The following KIAA1958 variants were observed in gnomAD, a reference collection of about 807,000 sequenced individuals.
The protein encoded by KIAA1958 is KIAA1958, also known as uncharacterized protein KIAA1958.
KIAA1958 carries 14 observed loss-of-function variants against 47.2 expected under a neutral mutation model. That is an observed-to-expected ratio of 0.30 (90% confidence interval 0.20 to 0.46). The LOEUF is 0.46. Among genes scored for constraint, KIAA1958 ranks in the 20% least tolerant of loss-of-function variants. The pLI, the probability that KIAA1958 is intolerant of heterozygous loss-of-function variation, is 1.00. For synonymous variants in KIAA1958, 354 were observed against 353.3 expected, an observed-to-expected ratio of 1.00 and a Z score of -0.02; for missense variants, 803 against 909.2, an observed-to-expected ratio of 0.88 and a Z score of 1.50.
intron 1 of KIAA1958, among the ~76,000 whole-genome samples, chr9:112,521,156 T>C (rs1247259218): frequency 6.6e-6 from 1 of 152,190 alleles, no homozygotes; most frequent in Admixed American, 6.5e-5. Flanking sequence ...CCTGTTTTCC[T>C]TAGGTTTTAA....
At chr9:112,526,145 C>A (rs1380274481) in intron 1 of KIAA1958, among the ~76,000 whole-genome samples, 1 of 11,892 alleles carries the variant, frequency 8.4e-5, no homozygotes, top group Non-Finnish European at 1.7e-4. Context: ...GTTCTTTATT[C>A]TGATATATTT....
Position 112,648,995 on chromosome 9 carries a change from A to T in KIAA1958, c.1344+3173A>T, listed in dbSNP as rs148582462. Among the ~76,000 whole-genome samples the T allele has an allele frequency of 8.5e-5, 13 of 152,304 alleles. No individual in the cohort carries two copies. In the East Asian group the frequency reaches 2.3e-3, roughly 27 times the overall value. ...TTGATAAGTTCAAAAATTTAAGTAG[A>T]GACATGGAAAATATAAAAAGGACCA... On this transcript the variant is annotated intron_variant, in intron 3 of 3. Transcript: ENST00000337530.
chr9:112,556,315 C>T (rs1214013312), intron 1 of KIAA1958, among the ~76,000 whole-genome samples: 1 of 152,176 alleles, frequency 6.6e-6, no homozygotes, highest in South Asian at 2.1e-4. Context: ...AGTCTGCTGC[C>T]TGCACACAGG....
chr9:112,648,926 A>G (rs981011871), intron 3 of KIAA1958, among the ~76,000 whole-genome samples: 3 of 152,242 alleles, frequency 2.0e-5, no homozygotes, highest in African/African-American at 4.8e-5. Flanking sequence ...ACTAGATTAT[A>G]TAACTAGAAG....
chr9:112,553,314 A>G (rs1835189306), intron 1 of KIAA1958, among the ~76,000 whole-genome samples: 3 of 151,750 alleles, frequency 2.0e-5, no homozygotes, highest in Non-Finnish European at 2.9e-5. Flanking sequence ...CAGCCTCCCA[A>G]GTAGCTGGGA....
At chr9:112,543,279 G>T (rs1350429051) in intron 1 of KIAA1958, among the ~76,000 whole-genome samples, 2 of 152,066 alleles carry the variant, frequency 1.3e-5, no homozygotes, top group African/African-American at 4.8e-5. Flanking sequence ...CACATTGTGG[G>T]TGCACATTTT....
rs1837315768 is a variant in KIAA1958, at chr9:112,663,794, T to C, written c.*3725T>C. ...ACATTAATTTGCCCTGGCTGATAAA[T>C]GGTGTTTGAAGAAATGTGAAATTTT... is the stretch of plus-strand genomic sequence containing the variant. On this transcript the variant is annotated 3_prime_UTR_variant, in exon 4 of 4. Transcript: ENST00000337530. 1 of 152,224 alleles carries C rather than the reference T, an allele frequency of 6.6e-6. No individual in the cohort carries two copies. The highest frequency in any genetic ancestry group is 6.5e-5 in the Admixed American group (1 of 15,280). The allele number at this position is 152,224 out of a possible 1,614,324, so 9.4% of individuals were successfully genotyped here.
intron 2 of KIAA1958, among the ~76,000 whole-genome samples, chr9:112,617,646 GT>G (rs1407299101): frequency 7.9e-5 from 12 of 152,124 alleles, no homozygotes; most frequent in African/African-American, 2.9e-4. Flanking sequence ...TAGGAAGCTC[GT>G]TTTGCTTGTA....
chr9:112,632,377 A>G (rs1285724248), intron 2 of KIAA1958, among the ~76,000 whole-genome samples: 3 of 152,016 alleles, frequency 2.0e-5, no homozygotes, highest in Non-Finnish European at 4.4e-5. Context: ...TTCATCTCCT[A>G]ATGGGTTTTG....
At position 112,596,900 on chromosome 9, in the gene KIAA1958, G is replaced by A. The variant is rs538991089; in HGVS notation, c.1171+21649G>A. ...ATGCCTTCATATTTTGATCCTTACTGATTAATATATGCAATAAATGTAGAT... is the reference window on the plus strand; with the variant it reads ...ATGCCTTCATATTTTGATCCTTACTAATTAATATATGCAATAAATGTAGAT... On this transcript the variant is annotated intron_variant, in intron 2 of 3. Coordinates refer to ENST00000337530, the MANE Select transcript of KIAA1958 (RefSeq NM_133465.4). Among the ~76,000 whole-genome samples the A allele has an allele frequency of 5.3e-5, 8 of 152,122 alleles. No homozygotes were observed. The South Asian group carries it at 1.7e-3, about 32-fold the overall frequency.
At chr9:112,519,742 A>C in intron 1 of KIAA1958, among the ~76,000 whole-genome samples, 1 of 152,376 alleles carries the variant, frequency 6.6e-6, no homozygotes, top group Middle Eastern at 3.4e-3. Context: ...GCTGCAAATC[A>C]TAACAGTGAG....
chr9:112,511,668 T>G (rs995959858), intron 1 of KIAA1958, among the ~76,000 whole-genome samples: 1 of 152,004 alleles, frequency 6.6e-6, no homozygotes, highest in Non-Finnish European at 1.5e-5. Flanking sequence ...CCAAAGAAAG[T>G]AGAAGAAATA....
chr9:112,548,566 A>G lies in KIAA1958; in HGVS notation c.-24-25491A>G, dbSNP rs186560777. Among the ~76,000 whole-genome samples, 8 of 152,292 alleles carry G rather than the reference A, an allele frequency of 5.3e-5. No homozygotes were observed. In the East Asian group the frequency reaches 1.5e-3, roughly 29 times the overall value. ...CCCTTTGTGTCATCATATCCAAATC[A>G]GGCTATATTGTTGTTACTTGTTTTG... On this transcript the variant is annotated intron_variant, in intron 1 of 3. Coordinates refer to ENST00000337530, the MANE Select transcript of KIAA1958 (RefSeq NM_133465.4).
chr9:112,589,379 C>T (rs575851490), intron 2 of KIAA1958, among the ~76,000 whole-genome samples: 1 of 151,892 alleles, frequency 6.6e-6, no homozygotes, highest in African/African-American at 2.4e-5. Context: ...GGTGGATCAC[C>T]TGAGGTCAGG....
Position 112,645,136 on chromosome 9 carries a change from A to C in KIAA1958, c.1172-514A>C, listed in dbSNP as rs1166031484. Among the ~76,000 whole-genome samples, 106 of 21,914 alleles carry C rather than the reference A, an allele frequency of 4.8e-3. 1 individual carries two copies. The highest frequency in any genetic ancestry group is 0.042 in the Admixed American group (88 of 2,110). 14.4% of individuals were successfully genotyped at this position (21,914 alleles called of 152,430 possible). A position where few individuals can be genotyped will look rare whatever the true frequency, so the allele number is the denominator to read the frequency against. On this transcript the variant is annotated intron_variant, in intron 2 of 3. Coordinates refer to ENST00000337530, the MANE Select transcript of KIAA1958 (RefSeq NM_133465.4). Reference sequence around the variant, plus strand: ...GGCGATAAGCGCAAAACTTTGTCTCAAAAAAAAAAAAAAAATGCTAACACC... The same window carrying C: ...GGCGATAAGCGCAAAACTTTGTCTCCAAAAAAAAAAAAAAATGCTAACACC...
chr9:112,580,679 C>A (rs1298806239), intron 2 of KIAA1958, among the ~76,000 whole-genome samples: 1 of 151,772 alleles, frequency 6.6e-6, no homozygotes, highest in Admixed American at 6.6e-5. Flanking sequence ...CCCAGCTATT[C>A]GGCAGGCTGA....
chr9:112,610,529 C>A (rs1836309049), intron 2 of KIAA1958, among the ~76,000 whole-genome samples: 1 of 151,890 alleles, frequency 6.6e-6, no homozygotes, highest in African/African-American at 2.4e-5. Context: ...ACGGGCCCCC[C>A]AAAAATTGAA....
intron 2 of KIAA1958, among the ~76,000 whole-genome samples, chr9:112,585,622 A>G (rs764482525): frequency 7.9e-5 from 12 of 152,204 alleles, no homozygotes; most frequent in Non-Finnish European, 1.5e-4. Context: ...ATAGGGTGAC[A>G]GTAATCCAGG....
intron 2 of KIAA1958, among the ~76,000 whole-genome samples, chr9:112,576,710 T>C (rs1835652330): frequency 6.6e-6 from 1 of 152,220 alleles, no homozygotes; most frequent in African/African-American, 2.4e-5. Context: ...TTTTGTTGTA[T>C]GACTATACCA....
Sources: gnomAD v4.1 joint callset for allele counts (sites outside exome capture counted in the v4.1 genomes callset) on GRCh38, gnomAD v4.1.1 for gene constraint, MANE v1.5 for transcripts, NCBI Gene and HGNC (gene_info 2026-07-23, HGNC 2026-07-21) for gene names.